SLC38A12: variants seen among roughly 807,000 people sequenced by gnomAD.
The protein encoded by SLC38A12 is solute carrier family 38 member 12, also known as putative sodium-coupled neutral amino acid transporter 12.
the SLC38A12 span, chr17:74,837,520 G>A: frequency 1.0e-6 from 1 of 985,332 alleles, no homozygotes; most frequent in East Asian, 1.1e-4. Context: ...ATCCCCACCT[G>A]GCACCTCAGC....
the SLC38A12 span, among the ~76,000 whole-genome samples, chr17:74,830,718 T>C: frequency 6.6e-6 from 1 of 152,194 alleles, no homozygotes; most frequent in East Asian, 1.9e-4. Context: ...GGCAGGCACC[T>C]TCTCTGACTG....
the SLC38A12 span, among the ~76,000 whole-genome samples, chr17:74,811,190 C>T: frequency 1.3e-5 from 2 of 152,214 alleles, no homozygotes; most frequent in East Asian, 1.9e-4. Flanking sequence ...ATTAGCGAGG[C>T]GTGGTGGCAC....
the SLC38A12 span, among the ~76,000 whole-genome samples, chr17:74,779,338 C>T: frequency 6.6e-6 from 1 of 152,054 alleles, no homozygotes; most frequent in Non-Finnish European, 1.5e-5. Flanking sequence ...TGTTTTATTT[C>T]GTTCAGGGTC....
chr17:74,795,531 A>T, the SLC38A12 span: 1 of 1,613,914 alleles, frequency 6.2e-7, no homozygotes, highest in Non-Finnish European at 8.5e-7. Flanking sequence ...CAGCAGCGCC[A>T]CTGGCAATGA....
the SLC38A12 span, among the ~76,000 whole-genome samples, chr17:74,822,630 A>AT: frequency 6.8e-4 from 103 of 152,306 alleles, 1 homozygote; most frequent in East Asian, 0.014. Context: ...AAAGGCAGTG[A>AT]TTTTTTCTCC....
chr17:74,786,927 G>A, the SLC38A12 span, among the ~76,000 whole-genome samples: 1 of 152,170 alleles, frequency 6.6e-6, no homozygotes, highest in Non-Finnish European at 1.5e-5. Context: ...TGGGCTCCCA[G>A]GCAGGGGGTA....
At chr17:74,826,671 C>A in the SLC38A12 span, among the ~76,000 whole-genome samples, 1 of 152,062 alleles carries the variant, frequency 6.6e-6, no homozygotes, top group African/African-American at 2.4e-5. Flanking sequence ...CCAAAGGGAG[C>A]TCCTCCCAGG....
At chr17:74,814,446 G>A in the SLC38A12 span, among the ~76,000 whole-genome samples, 1 of 152,230 alleles carries the variant, frequency 6.6e-6, no homozygotes, top group East Asian at 1.9e-4. Flanking sequence ...CTTCTTCATG[G>A]AGGGAGGAAT....
At chr17:74,788,839 A>G in the SLC38A12 span, 1 of 1,613,578 alleles carries the variant, frequency 6.2e-7, no homozygotes, top group East Asian at 2.2e-5. Context: ...GCCAACGCGC[A>G]GCTCCACTGG....
chr17:74,833,149 G>A, the SLC38A12 span, among the ~76,000 whole-genome samples: 6 of 152,144 alleles, frequency 3.9e-5, no homozygotes, highest in Admixed American at 3.3e-4. Flanking sequence ...TCAGCCTCCC[G>A]AGTAGCTGGG....
At chr17:74,838,981 C>T in the SLC38A12 span, 3 of 1,535,704 alleles carry the variant, frequency 2.0e-6, no homozygotes, top group Non-Finnish European at 2.6e-6. Flanking sequence ...AGCTTAAACT[C>T]AACAGCCTCT....
chr17:74,783,224 C>A, the SLC38A12 span, among the ~76,000 whole-genome samples: 1 of 152,362 alleles, frequency 6.6e-6, no homozygotes, highest in Non-Finnish European at 1.5e-5. Context: ...CCAGTGCAAT[C>A]AGCTGGGTGT....
the SLC38A12 span, chr17:74,790,386 C>CA: frequency 8.6e-7 from 1 of 1,159,436 alleles, no homozygotes; most frequent in Middle Eastern, 2.1e-4. Context: ...AGGCTCCCCG[C>CA]AGATTCTGGC....
the SLC38A12 span, among the ~76,000 whole-genome samples, chr17:74,780,088 G>A: frequency 1.3e-5 from 2 of 152,224 alleles, no homozygotes; most frequent in South Asian, 2.1e-4. Flanking sequence ...GGTCACGCCC[G>A]ACAGAAGGGT....
chr17:74,795,155 C>T, the SLC38A12 span: 49 of 1,521,936 alleles, frequency 3.2e-5, no homozygotes, highest in East Asian at 5.4e-4. Flanking sequence ...GCCAAAGGGG[C>T]TTCCTCAGCA....
At chr17:74,824,404 C>G in the SLC38A12 span, among the ~76,000 whole-genome samples, 1 of 152,182 alleles carries the variant, frequency 6.6e-6, no homozygotes, top group South Asian at 2.1e-4. Flanking sequence ...AGCGCAGGGA[C>G]TTCAGATCCC....
chr17:74,795,758 T>C, the SLC38A12 span: 15 of 739,528 alleles, frequency 2.0e-5, no homozygotes, highest in South Asian at 2.8e-4. Context: ...CTCCACACTC[T>C]GGCTAAGCAC....
At chr17:74,783,546 A>G in the SLC38A12 span, among the ~76,000 whole-genome samples, 1 of 152,046 alleles carries the variant, frequency 6.6e-6, no homozygotes, top group East Asian at 1.9e-4. Context: ...GTATTCAGGT[A>G]CTGCAGGCAG....
the SLC38A12 span, chr17:74,838,962 G>GC: frequency 7.8e-6 from 12 of 1,535,728 alleles, no homozygotes; most frequent in Non-Finnish European, 1.0e-5. Flanking sequence ...AGGTGTCGTT[G>GC]TGGAGGAAAG....
Sources: allele counts gnomAD v4.1 joint callset (sites outside exome capture counted in the v4.1 genomes callset), GRCh38; gene constraint gnomAD v4.1.1; transcripts MANE v1.5; gene names NCBI Gene and HGNC (gene_info 2026-07-23, HGNC 2026-07-21).